The following TMEM168 variants were observed in gnomAD, a reference collection of about 807,000 sequenced individuals.
The protein encoded by TMEM168 is transmembrane protein 168.
Under a neutral mutation model 53.2 loss-of-function variants are expected in TMEM168, and 40 were observed. The observed-to-expected ratio is 0.75, with a 90% CI of 0.58 to 0.98. The LOEUF (loss-of-function observed/expected upper bound fraction) is 0.98, where lower values mean the gene tolerates loss of function less well. TMEM168 is among the 50% of genes least tolerant of loss of function. The probability of loss-of-function intolerance (pLI) is 0.00; values close to 1 mark genes in which losing one functional copy is unlikely to be tolerated. For synonymous variants in TMEM168, 282 were observed against 293.0 expected, an observed-to-expected ratio of 0.96 and a Z score of 0.38; for missense variants, 771 against 828.8, an observed-to-expected ratio of 0.93 and a Z score of 0.86.
At chr7:112,773,814 A>G (rs923442187) in intron 3 of TMEM168, among the ~76,000 whole-genome samples, 10 of 152,172 alleles carry the variant, frequency 6.6e-5, no homozygotes, top group African/African-American at 2.4e-4. Flanking sequence ...ATATATCATC[A>G]GTACTATTCT....
intron 2 of TMEM168, among the ~76,000 whole-genome samples, chr7:112,776,198 A>G (rs1023979015): frequency 2.0e-5 from 3 of 152,038 alleles, no homozygotes; most frequent in Non-Finnish European, 4.4e-5. Context: ...TTTACCTTAT[A>G]AAGCACTGAA....
In TMEM168 at chr7:112,783,641, T is replaced by C. The variant is rs190416307; in HGVS notation, c.1128+57A>G. 2.4e-3 allele frequency: 3,233 copies of C among 1,369,084 alleles called. 6 individuals are homozygous for C. Among genetic ancestry groups the C allele is most frequent in the Middle Eastern group, 3.3e-3 (17 of 5,094 alleles). The allele number at this position is 1,369,084 out of a possible 1,614,324, so 84.8% of individuals were successfully genotyped here. On this transcript the variant is annotated intron_variant, in intron 2 of 4. Transcript: ENST00000312814. ...GACCTTATAACTTTAATTTCAATTA[T>C]TGAAGCTAGCATTTTATTACACGTC...
In TMEM168 at chr7:112,784,464, T is replaced by A. The variant is rs1413706738; in HGVS notation, c.362A>T (p.Glu121Val). 2 of 1,614,088 alleles carry A rather than the reference T, an allele frequency of 1.2e-6. No homozygotes were observed. Among genetic ancestry groups the A allele is most frequent in the South Asian group, 2.2e-5 (2 of 91,040 alleles). Residue 121 changes from glutamate (E) to valine (V), a missense_variant, in exon 2 of 5, where the codon GAA becomes GTA. Glu to Val is a moderately radical substitution (Grantham distance 121). Transcript: ENST00000312814. ...TGTTAGAAGCAAATATTTGGTTGAT[T>A]CTTCTTTTACATCATTTTTAAAGGA... ...NSSFKNDVKE[E>V]STKYLLLTSI...
chr7:112,776,196 A>T (rs1793077963), intron 2 of TMEM168, among the ~76,000 whole-genome samples: 1 of 152,044 alleles, frequency 6.6e-6, no homozygotes, highest in Non-Finnish European at 1.5e-5. Flanking sequence ...AGTTTACCTT[A>T]TAAAGCACTG....
chr7:112,785,349 G>C (rs140362247), intron 1 of TMEM168, among the ~76,000 whole-genome samples: 2 of 152,300 alleles, frequency 1.3e-5, no homozygotes, highest in Middle Eastern at 3.4e-3. Flanking sequence ...GGACTTCATC[G>C]TTACCTCTAA....
chr7:112,776,933 A>G (rs961448663), intron 2 of TMEM168, among the ~76,000 whole-genome samples: 5 of 152,140 alleles, frequency 3.3e-5, no homozygotes, highest in African/African-American at 1.2e-4. Flanking sequence ...CACCAAAACT[A>G]GAATAAATAT....
intron 3 of TMEM168, among the ~76,000 whole-genome samples, chr7:112,773,306 A>G (rs1792980782): frequency 6.6e-6 from 1 of 152,172 alleles, no homozygotes; most frequent in Admixed American, 6.5e-5. Context: ...ATGTCTCCAA[A>G]TGTAGATAGT....
rs971262440 is a variant in TMEM168 at position 112,762,440 on chromosome 7, T to G, written c.*4757A>C. ...AAATATTTTTGAACTTAGAAAAGTTTACTTGGCATTGAGTGAACACTGCTT... is the reference window on the plus strand; with the variant it reads ...AAATATTTTTGAACTTAGAAAAGTTGACTTGGCATTGAGTGAACACTGCTT... On this transcript the variant is annotated 3_prime_UTR_variant, in exon 5 of 5. Coordinates refer to ENST00000312814, the MANE Select transcript of TMEM168 (RefSeq NM_022484.6). 1 of 152,084 alleles carries G rather than the reference T, an allele frequency of 6.6e-6. No homozygotes were observed. The highest frequency in any genetic ancestry group is 2.4e-5 in the African/African-American group (1 of 41,452). The allele number at this position is 152,084 out of a possible 1,614,324, so 9.4% of individuals were successfully genotyped here. A position where few individuals can be genotyped will look rare whatever the true frequency, so the allele number is the denominator to read the frequency against.
chr7:112,768,268 ACATT>A (rs1276727111), intron 4 of TMEM168, among the ~76,000 whole-genome samples: 1 of 152,256 alleles, frequency 6.6e-6, no homozygotes, highest in Non-Finnish European at 1.5e-5. Context: ...GAACACAACT[ACATT>A]CATTCATTTA....
intron 4 of TMEM168, among the ~76,000 whole-genome samples, chr7:112,770,474 T>C (rs1057326936): frequency 4.6e-5 from 7 of 152,162 alleles, no homozygotes; most frequent in African/African-American, 2.4e-5. Context: ...TCAAAAAAAT[T>C]ATAAAGACAT....
chr7:112,767,608 G>C lies in TMEM168; in HGVS notation c.1683C>G (p.Asp561Glu). The C allele has an allele frequency of 6.2e-7, 1 of 1,614,042 alleles. No homozygotes were observed. The highest frequency in any genetic ancestry group is 8.5e-7 in the Non-Finnish European group (1 of 1,180,004). ...CTGCTCCTTGCACTGCAATATACTG[G>C]TCATTAATTTTCCTCACTTCTTTCA... ...PWVKEVRKINDQYIAVQGAEL... is the reference protein window; with the variant it reads ...PWVKEVRKINEQYIAVQGAEL... Residue 561 changes from aspartate (D) to glutamate (E), a missense_variant, in exon 5 of 5, where the codon GAC (aspartate) becomes GAG (glutamate). Coordinates refer to ENST00000312814, the MANE Select transcript of TMEM168 (RefSeq NM_022484.6).
chr7:112,769,848 T>C (rs895840995), intron 4 of TMEM168, among the ~76,000 whole-genome samples: 3 of 152,154 alleles, frequency 2.0e-5, no homozygotes, highest in African/African-American at 4.8e-5. Context: ...AATATTAGGT[T>C]CCATATCATG....
At position 112,767,172 on chromosome 7, in the gene TMEM168, T is replaced by C. The variant is rs763573873; in HGVS notation, c.*25A>G. The C allele has an allele frequency of 1.3e-6, 2 of 1,586,462 alleles. No homozygotes were observed. The highest frequency in any genetic ancestry group is 1.4e-5 in the African/African-American group (1 of 73,778). On this transcript the variant is annotated 3_prime_UTR_variant, in exon 5 of 5. Transcript: ENST00000312814. ...TGATAATTGGTAGTATGAGTGCTTA[T>C]TAATATCCCGCTTTGGGGTCCAAAT...
rs1792751842 is a variant in TMEM168 at position 112,765,484 on chromosome 7, T to TTTTAC, written c.*1708_*1712dup. 2 of 152,110 alleles carry TTTTAC rather than the reference T, an allele frequency of 1.3e-5. No individual in the cohort carries two copies. The highest frequency in any genetic ancestry group is 2.9e-5 in the Non-Finnish European group (2 of 68,012). 9.4% of individuals were successfully genotyped at this position (152,110 alleles called of 1,614,324 possible). Reference sequence around the variant, plus strand: ...AATAGCTGAGAAATTTAAAAGGAGATTTTACTTAACATTAACTTTTTTTAA... The same window carrying TTTTAC: ...AATAGCTGAGAAATTTAAAAGGAGATTTTACTTTACTTAACATTAACTTTTTTTAA... On this transcript the variant is annotated 3_prime_UTR_variant, in exon 5 of 5. Coordinates refer to ENST00000312814, the MANE Select transcript of TMEM168 (RefSeq NM_022484.6).
At chr7:112,786,220 A>G (rs757727223) in intron 1 of TMEM168, among the ~76,000 whole-genome samples, 8 of 152,178 alleles carry the variant, frequency 5.3e-5, no homozygotes, top group Admixed American at 2.6e-4. Flanking sequence ...AACAAAAAAA[A>G]CCCACGAGTT....
chr7:112,781,870 T>TG (rs2116287096), intron 2 of TMEM168, among the ~76,000 whole-genome samples: 1 of 152,170 alleles, frequency 6.6e-6, no homozygotes, highest in African/African-American at 2.4e-5. Flanking sequence ...AAAGAAAAAG[T>TG]GGATAAACTG....
intron 3 of TMEM168, among the ~76,000 whole-genome samples, chr7:112,773,911 C>T (rs1792998967): frequency 6.6e-6 from 1 of 152,234 alleles, no homozygotes; most frequent in African/African-American, 2.4e-5. Flanking sequence ...GTGCATATTA[C>T]TATTTCCACA....
intron 2 of TMEM168, among the ~76,000 whole-genome samples, chr7:112,780,944 A>C (rs1168446978): frequency 1.5e-5 from 1 of 68,234 alleles, no homozygotes; most frequent in Non-Finnish European, 2.7e-5. Flanking sequence ...GATCCGTATC[A>C]AAAAAAAAAA....
In TMEM168 at chr7:112,766,994, T is replaced by C. The variant is rs1044526658; in HGVS notation, c.*203A>G. 7.2e-6 allele frequency: 4 copies of C among 554,512 alleles called. No individual in the cohort carries two copies. Among genetic ancestry groups the C allele is most frequent in the South Asian group, 5.1e-5 (2 of 38,978 alleles). 34.3% of individuals were successfully genotyped at this position (554,512 alleles called of 1,614,324 possible). On this transcript the variant is annotated 3_prime_UTR_variant, in exon 5 of 5. Transcript: ENST00000312814. ...TCTCTTATGCATTTACAGTAAGCAT[T>C]TGACTCCCTACATACTTTCATTATA...
Sources: allele counts gnomAD v4.1 joint callset (sites outside exome capture counted in the v4.1 genomes callset), GRCh38; gene constraint gnomAD v4.1.1; transcripts MANE v1.5; gene names NCBI Gene and HGNC (gene_info 2026-07-23, HGNC 2026-07-21).